Variants in PPM1L observed in about 807,000 individuals in gnomAD.
PPM1L encodes protein phosphatase 1L.
PPM1L carries 13 observed loss-of-function variants against 31.4 expected under a neutral mutation model. That is an observed-to-expected ratio of 0.41 (90% CI 0.27 to 0.66). PPM1L has a LOEUF of 0.66. Among genes scored for constraint, PPM1L ranks in the 30% least tolerant of loss-of-function variants. The pLI is 0.29. For synonymous variants in PPM1L, 184 were observed against 175.4 expected (o/e 1.05, Z -0.39); for missense variants, 326 against 453.7 (o/e 0.72, Z 2.56).
intron 2 of PPM1L, among the ~76,000 whole-genome samples, chr3:161,032,350 G>A (rs760037725): frequency 2.6e-5 from 4 of 152,174 alleles, no homozygotes; most frequent in East Asian, 1.9e-4. Flanking sequence ...TACAAGGGCT[G>A]TCTTTACACA....
At chr3:160,984,055 G>A (rs769067179) in intron 2 of PPM1L, among the ~76,000 whole-genome samples, 1 of 152,136 alleles carries the variant, frequency 6.6e-6, no homozygotes, top group East Asian at 1.9e-4. Context: ...CATTGTCATT[G>A]ATAAACATTT....
intron 2 of PPM1L, among the ~76,000 whole-genome samples, chr3:161,029,702 ATACTACTTTATGGAAACCACC>A (rs1489361198): frequency 5.3e-5 from 8 of 152,252 alleles, no homozygotes; most frequent in African/African-American, 1.9e-4. Flanking sequence ...ATTTTTATAC[ATACTACTTTATGGAAACCACC>A]TACCCCTCTA....
At chr3:160,888,274 T>G (rs1713004506) in intron 1 of PPM1L, among the ~76,000 whole-genome samples, 1 of 152,158 alleles carries the variant, frequency 6.6e-6, no homozygotes, top group African/African-American at 2.4e-5. Flanking sequence ...TAGCGTGCCA[T>G]ATTCAGGAGA....
chr3:160,876,151 C>G (rs996816023), intron 1 of PPM1L, among the ~76,000 whole-genome samples: 1 of 152,126 alleles, frequency 6.6e-6, no homozygotes, highest in Admixed American at 6.6e-5. Flanking sequence ...TGTACATAAA[C>G]GATTCAAAAT....
chr3:160,849,453 G>C (rs1311240058), intron 1 of PPM1L, among the ~76,000 whole-genome samples: 1 of 149,408 alleles, frequency 6.7e-6, no homozygotes, highest in African/African-American at 2.5e-5. Flanking sequence ...TCGCTCTGTC[G>C]CCCAGGCTGG....
chr3:160,992,876 T>C (rs753608013), intron 2 of PPM1L, among the ~76,000 whole-genome samples: 4 of 152,142 alleles, frequency 2.6e-5, no homozygotes, highest in Non-Finnish European at 5.9e-5. Context: ...AAGGTGGGCA[T>C]GCACCATGGA....
chr3:160,946,789 A>G (rs1576734113), intron 1 of PPM1L, among the ~76,000 whole-genome samples: 1 of 152,138 alleles, frequency 6.6e-6, no homozygotes, highest in Non-Finnish European at 1.5e-5. Flanking sequence ...TTAAAAGTTC[A>G]TTTTAATTTT....
At chr3:160,849,583 G>A (rs1714197206) in intron 1 of PPM1L, among the ~76,000 whole-genome samples, 1 of 151,706 alleles carries the variant, frequency 6.6e-6, no homozygotes, top group Non-Finnish European at 1.5e-5. Context: ...ACCACGCCCG[G>A]CTAATTTTTT....
intron 1 of PPM1L, among the ~76,000 whole-genome samples, chr3:160,809,361 C>T (rs4525912): frequency 0.42 from 64,055 of 151,772 alleles, 14,252 homozygotes; most frequent in East Asian, 0.59. Context: ...GCCTTTACCT[C>T]CCTCTTCCTC....
rs561301509 is a variant in PPM1L at position 160,767,128 on chromosome 3, TG to T, written c.399+10422del. Among the ~76,000 whole-genome samples, 15 of 152,328 alleles carry T rather than the reference TG, an allele frequency of 9.8e-5. No homozygotes were observed. The South Asian group carries it at 2.9e-3, about 29-fold the overall frequency. Reference sequence around the variant, plus strand: ...AGCTAAAGGCGCCGTAGCAGTAGGCTGTATTTCTGAGACTCACAGACTTTTT... The same window carrying T: ...AGCTAAAGGCGCCGTAGCAGTAGGCTTATTTCTGAGACTCACAGACTTTTT... On this transcript the variant is annotated intron_variant, in intron 1 of 3. Coordinates refer to ENST00000498165, the MANE Select transcript of PPM1L (RefSeq NM_139245.4).
chr3:160,939,268 ACT>A (rs1210673002), intron 1 of PPM1L, among the ~76,000 whole-genome samples: 2 of 151,734 alleles, frequency 1.3e-5, no homozygotes, highest in Non-Finnish European at 2.9e-5. Context: ...CAGCTCTATA[ACT>A]CTGCAGCTCT....
chr3:161,026,291 G>T (rs1718385306), intron 2 of PPM1L, among the ~76,000 whole-genome samples: 2 of 152,204 alleles, frequency 1.3e-5, no homozygotes, highest in African/African-American at 4.8e-5. Context: ...TAAGTGCTAG[G>T]TGCTAGGGGA....
chr3:160,980,442 G>A (rs1020728784), intron 2 of PPM1L, among the ~76,000 whole-genome samples: 1 of 151,870 alleles, frequency 6.6e-6, no homozygotes, highest in Non-Finnish European at 1.5e-5. Context: ...TTTGGGAGGC[G>A]TAGGACGGGG....
intron 1 of PPM1L, among the ~76,000 whole-genome samples, chr3:160,949,868 G>A (rs1031646619): frequency 4.6e-5 from 7 of 152,196 alleles, no homozygotes; most frequent in Non-Finnish European, 1.0e-4. Flanking sequence ...TGCAACCAAG[G>A]TGATGATTCC....
chr3:160,780,410 C>T (rs1711702067), intron 1 of PPM1L, among the ~76,000 whole-genome samples: 1 of 152,300 alleles, frequency 6.6e-6, no homozygotes, highest in East Asian at 1.9e-4. Flanking sequence ...AGTGGTCATT[C>T]TTTCACTTCC....
At chr3:160,986,641 T>A (rs1716975601) in intron 2 of PPM1L, among the ~76,000 whole-genome samples, 1 of 152,226 alleles carries the variant, frequency 6.6e-6, no homozygotes, top group Non-Finnish European at 1.5e-5. Context: ...GGTTACTTCT[T>A]CATAGAACAG....
At chr3:160,857,663 A>G (rs959832465) in intron 1 of PPM1L, among the ~76,000 whole-genome samples, 2 of 152,206 alleles carry the variant, frequency 1.3e-5, no homozygotes, top group Non-Finnish European at 2.9e-5. Flanking sequence ...GAATATAGAA[A>G]TGCAAGGCAT....
intron 1 of PPM1L, among the ~76,000 whole-genome samples, chr3:160,761,498 T>C (rs969869946): frequency 6.6e-6 from 1 of 152,224 alleles, no homozygotes; most frequent in Non-Finnish European, 1.5e-5. Context: ...GATGCTGAAT[T>C]ATGTAACTGA....
At chr3:160,893,666 A>C (rs1713231554) in intron 1 of PPM1L, among the ~76,000 whole-genome samples, 1 of 152,176 alleles carries the variant, frequency 6.6e-6, no homozygotes, top group South Asian at 2.1e-4. Flanking sequence ...TCCAACGTGT[A>C]TTGTAGTTTA....
Sources: allele counts gnomAD v4.1 joint callset (sites outside exome capture counted in the v4.1 genomes callset), GRCh38; gene constraint gnomAD v4.1.1; transcripts MANE v1.5; gene names NCBI Gene and HGNC (gene_info 2026-07-23, HGNC 2026-07-21).